IFT43: variants seen among roughly 807,000 people sequenced by gnomAD.
IFT43 encodes intraflagellar transport 43, also known as intraflagellar transport protein 43 homolog.
A neutral mutation model predicts 32.3 loss-of-function variants in IFT43; 33 were observed. The observed-to-expected ratio is 1.02, with a 90% CI of 0.77 to 1.37. The LOEUF (loss-of-function observed/expected upper bound fraction) is 1.37. Ranked by LOEUF, IFT43 falls within the 40% of genes most tolerant of loss-of-function variation. IFT43 has a pLI of 0.00. For synonymous variants in IFT43, 93 were observed against 98.2 expected (o/e 0.95, Z 0.31); for missense variants, 274 against 265.9 (o/e 1.03, Z -0.21).
intron 3 of IFT43, among the ~76,000 whole-genome samples, chr14:76,023,432 A>G (rs909223991): frequency 2.6e-5 from 4 of 152,210 alleles, no homozygotes; most frequent in Non-Finnish European, 4.4e-5. Flanking sequence ...GACCCCAAGC[A>G]AGTAATTTAA....
At chr14:76,073,818 C>A (rs1194246012) in intron 5 of IFT43, among the ~76,000 whole-genome samples, 1 of 152,186 alleles carries the variant, frequency 6.6e-6, no homozygotes, top group Non-Finnish European at 1.5e-5. Flanking sequence ...AAGAGCCCCG[C>A]CGCCCTTGAT....
intron 3 of IFT43, 67 bp downstream of exon 3, chr14:76,022,461 G>A: frequency 1.1e-6 from 1 of 922,190 alleles, no homozygotes; most frequent in Non-Finnish European, 1.7e-6. Flanking sequence ...TTGCTCCTGT[G>A]TTGTTTTATT....
intron 5 of IFT43, among the ~76,000 whole-genome samples, chr14:76,080,934 G>C (rs1241117729): frequency 2.6e-5 from 4 of 152,270 alleles, no homozygotes. Flanking sequence ...ATGTGTCTCT[G>C]CTTTATTTTC....
intron 1 of IFT43, among the ~76,000 whole-genome samples, chr14:75,988,337 G>A (rs1566692459): frequency 6.6e-6 from 1 of 152,102 alleles, no homozygotes; most frequent in Non-Finnish European, 1.5e-5. Flanking sequence ...ACTCCAGCCT[G>A]GGCAACAGAG....
At chr14:75,990,837 G>C (rs930578259) in intron 2 of IFT43, among the ~76,000 whole-genome samples, 4 of 152,198 alleles carry the variant, frequency 2.6e-5, no homozygotes, top group Non-Finnish European at 2.9e-5. Context: ...ACTTTACACT[G>C]TTCCACATGG....
At chr14:76,078,232 A>G (rs2037444988) in intron 5 of IFT43, among the ~76,000 whole-genome samples, 1 of 152,242 alleles carries the variant, frequency 6.6e-6, no homozygotes, top group Non-Finnish European at 1.5e-5. Flanking sequence ...ACTGGGTCTC[A>G]CGGAAGGGAC....
At chr14:76,073,576 GGT>G (rs1307394971) in intron 5 of IFT43, among the ~76,000 whole-genome samples, 3 of 152,002 alleles carry the variant, frequency 2.0e-5, no homozygotes, top group Admixed American at 1.3e-4. Context: ...AGAGATGTCC[GGT>G]GTGTGTGTGC....
chr14:76,024,154 C>T (rs2036345910), intron 3 of IFT43, among the ~76,000 whole-genome samples: 1 of 152,224 alleles, frequency 6.6e-6, no homozygotes, highest in African/African-American at 2.4e-5. Flanking sequence ...TTTCTGCCAG[C>T]ATCTGGGAAT....
chr14:76,082,807 G>T (rs1190927771), intron 7 of IFT43, 115 bp downstream of exon 7: 7 of 816,504 alleles, frequency 8.6e-6, no homozygotes, highest in Non-Finnish European at 1.5e-5. Flanking sequence ...CCCTGAGGCT[G>T]CCTGCCTGGC....
chr14:76,063,571 T>C (rs915839864), intron 5 of IFT43, among the ~76,000 whole-genome samples: 1 of 152,230 alleles, frequency 6.6e-6, no homozygotes, highest in East Asian at 1.9e-4. Flanking sequence ...TTTCCTGCTC[T>C]CAGGAATCAA....
intron 3 of IFT43, among the ~76,000 whole-genome samples, chr14:76,027,243 A>T (rs1481896026): frequency 6.6e-6 from 1 of 152,060 alleles, no homozygotes; most frequent in Non-Finnish European, 1.5e-5. Flanking sequence ...AGTTAAATTA[A>T]AAAAAACCAA....
At chr14:76,003,178 TAGAG>T (rs2035921570) in intron 2 of IFT43, among the ~76,000 whole-genome samples, 1 of 152,252 alleles carries the variant, frequency 6.6e-6, no homozygotes, top group East Asian at 1.9e-4. Flanking sequence ...CCCAGTATAA[TAGAG>T]AGTTATGTCA....
chr14:76,076,032 T>A (rs528231329), intron 5 of IFT43, among the ~76,000 whole-genome samples: 1 of 152,362 alleles, frequency 6.6e-6, no homozygotes, highest in East Asian at 1.9e-4. Flanking sequence ...AAGCAGCATG[T>A]CCAGATCGCT....
intron 5 of IFT43, among the ~76,000 whole-genome samples, chr14:76,066,610 G>A (rs929077547): frequency 6.6e-6 from 1 of 152,142 alleles, no homozygotes; most frequent in Non-Finnish European, 1.5e-5. Context: ...GGGAAACTCG[G>A]GAATGATTTC....
intron 2 of IFT43, among the ~76,000 whole-genome samples, chr14:75,999,271 ATGT>A (rs2035832613): frequency 3.5e-4 from 9 of 25,814 alleles, no homozygotes; most frequent in African/African-American, 1.8e-3. Flanking sequence ...ATATATATAT[ATGT>A]ATATATATTT....
intron 3 of IFT43, among the ~76,000 whole-genome samples, chr14:76,054,627 A>G (rs2036976590): frequency 6.6e-6 from 1 of 152,232 alleles, no homozygotes; most frequent in African/African-American, 2.4e-5. Flanking sequence ...TTTGAAGAGT[A>G]TTGAAAAGTG....
At chr14:76,000,518 C>T (rs182270474) in intron 2 of IFT43, among the ~76,000 whole-genome samples, 21 of 152,134 alleles carry the variant, frequency 1.4e-4, no homozygotes, top group South Asian at 4.2e-4. Flanking sequence ...ATGATCCTCC[C>T]GCCTCGGCCT....
At chr14:76,082,198 A>T in intron 5 of IFT43, 97 bp from the exon 6 acceptor site, 1 of 1,101,714 alleles carries the variant, frequency 9.1e-7, no homozygotes, top group Non-Finnish European at 1.4e-6. Flanking sequence ...CCACAGCCCC[A>T]TGGCTGGTGT....
rs10141576 is a variant in IFT43 at position 76,032,428 on chromosome 14, A to G, written c.215+10034A>G. Among the ~76,000 whole-genome samples the G allele has an allele frequency of 4.5e-3, 684 of 152,218 alleles. 2 individuals carry two copies. The highest frequency in any genetic ancestry group is 0.016 in the African/African-American group (654 of 41,520). On this transcript the variant is annotated intron_variant, in intron 3 of 8. Coordinates refer to ENST00000314067, the MANE Select transcript of IFT43 (RefSeq NM_001102564.3). ...TGCCAACCAGTCAAAGTAAAACCCA[A>G]AGTCCTTACCATGGCTTACAAGGTC...
Sources: gnomAD v4.1 joint callset for allele counts (sites outside exome capture counted in the v4.1 genomes callset) on GRCh38, gnomAD v4.1.1 for gene constraint, MANE v1.5 for transcripts, NCBI Gene and HGNC (gene_info 2026-07-23, HGNC 2026-07-21) for gene names.